COL17A1: variants seen among roughly 807,000 people sequenced by gnomAD.
COL17A1 encodes the protein collagen alpha-1(XVII) chain.
COL17A1 carries 181 observed loss-of-function variants against 218.4 expected under a neutral mutation model. The ratio of observed to expected loss-of-function variants is 0.83; its 90% CI spans 0.73 to 0.94. The LOEUF is 0.94. COL17A1 is among the 40% of genes least tolerant of loss of function. The pLI, the probability that COL17A1 is intolerant of heterozygous loss-of-function variation, is 0.00. For missense variants in COL17A1, 1,924 were observed against 1,945.9 expected (o/e 0.99, Z 0.21); for synonymous variants, 721 against 731.0 (o/e 0.99, Z 0.22).
At chr10:104,043,785 G>GA in intron 34 of COL17A1, 40 bp downstream of exon 34, 1 of 1,612,132 alleles carries the variant, frequency 6.2e-7, no homozygotes, top group Non-Finnish European at 8.5e-7. Flanking sequence ...CCCAGTATAA[G>GA]AAAGACACAG....
intron 16 of COL17A1, among the ~76,000 whole-genome samples, chr10:104,057,468 G>C (rs1024050404): frequency 1.3e-5 from 2 of 150,600 alleles, no homozygotes; most frequent in Non-Finnish European, 3.0e-5. Context: ...TGGGAAGGTT[G>C]TTGAATGAAA....
chr10:104,039,378 G>A, intron 43 of COL17A1, 67 bp downstream of exon 43: 1 of 1,515,500 alleles, frequency 6.6e-7, no homozygotes, highest in Non-Finnish European at 9.2e-7. Context: ...CATCTCTTCA[G>A]GCTCTGGGCT....
rs191501378 is a variant in COL17A1 at position 104,031,842 on chromosome 10, C to G, written c.*393G>C. The G allele has an allele frequency of 2.6e-4, 76 of 287,984 alleles. No homozygotes were observed. The highest frequency in any genetic ancestry group is 1.6e-3 in the African/African-American group (71 of 45,194). 17.8% of individuals were successfully genotyped at this position (287,984 alleles called of 1,614,324 possible). ...ATCAAGTGTCACCTCCAGGAAGGCGCCCCACCCCCATCCTCCGTTTTCTGG... is the reference window on the plus strand; with the variant it reads ...ATCAAGTGTCACCTCCAGGAAGGCGGCCCACCCCCATCCTCCGTTTTCTGG... On this transcript the variant is annotated 3_prime_UTR_variant, in exon 56 of 56. Coordinates refer to ENST00000648076, the MANE Select transcript of COL17A1 (RefSeq NM_000494.4).
intron 36 of COL17A1, among the ~76,000 whole-genome samples, chr10:104,041,835 C>T (rs1157822262): frequency 6.6e-6 from 1 of 152,230 alleles, no homozygotes; most frequent in Non-Finnish European, 1.5e-5. Flanking sequence ...CCCCTGCTCC[C>T]ACACGTCTAG....
intron 54 of COL17A1, 42 bp downstream of exon 54, chr10:104,032,864 G>A: frequency 1.2e-6 from 2 of 1,613,440 alleles, no homozygotes; most frequent in Middle Eastern, 3.3e-4. Context: ...CGAGGTGGGT[G>A]TTAACACAGG....
At position 104,043,865 on chromosome 10, in the gene COL17A1, G is replaced by C. The variant is rs1206787563; in HGVS notation, c.2399-5C>G. On this transcript the variant is annotated splice_polypyrimidine_tract_variant and splice_region_variant and intron_variant, in intron 33 of 55. Coordinates refer to ENST00000648076, the MANE Select transcript of COL17A1 (RefSeq NM_000494.4). ...TGCCTGGAGCTCCTGGTTCACCTAG[G>C]AAGAGAGGAAAAGGCTGAGAGTGGT... The C allele has an allele frequency of 1.2e-6, 2 of 1,614,204 alleles. No homozygotes were observed. Among genetic ancestry groups the C allele is most frequent in the Admixed American group, 1.7e-5 (1 of 60,030 alleles).
chr10:104,077,545 G>T lies in COL17A1; in HGVS notation c.98-19C>A. The T allele has an allele frequency of 6.3e-7, 1 of 1,597,432 alleles. No homozygotes were observed. Among genetic ancestry groups the T allele is most frequent in the South Asian group, 1.1e-5 (1 of 88,954 alleles). Reference sequence around the variant, plus strand: ...CCGCCTTCTGCCAGGAACAAAAGCAGGTGATAATTTCAGGGTGGAGTCAGG... The same window carrying T: ...CCGCCTTCTGCCAGGAACAAAAGCATGTGATAATTTCAGGGTGGAGTCAGG... On this transcript the variant is annotated intron_variant, in intron 3 of 55. Coordinates refer to ENST00000648076, the MANE Select transcript of COL17A1 (RefSeq NM_000494.4).
chr10:104,083,106 C>T (rs1409620857), intron 1 of COL17A1, among the ~76,000 whole-genome samples: 1 of 152,184 alleles, frequency 6.6e-6, no homozygotes, highest in Non-Finnish European at 1.5e-5. Flanking sequence ...AGGAAACTTT[C>T]TATAAGTGAG....
At position 104,073,128 on chromosome 10, in the gene COL17A1, C is replaced by T; in HGVS notation, c.415+82G>A. 9 of 1,293,276 alleles carry T rather than the reference C, an allele frequency of 7.0e-6. No individual in the cohort carries two copies. The South Asian group carries it at 7.1e-5, about 10-fold the overall frequency. The allele number at this position is 1,293,276 out of a possible 1,614,324, so 80.1% of individuals were successfully genotyped here. The stretch of plus-strand genomic sequence containing the variant: ...TTATTCTTCTGTACTCCTTACACTC[C>T]CTGGCTCAAGGCTGGACACACATTA... On this transcript the variant is annotated intron_variant, in intron 7 of 55. Coordinates refer to ENST00000648076, the MANE Select transcript of COL17A1 (RefSeq NM_000494.4).
In COL17A1 at chr10:104,035,473, C is replaced by T. The variant is rs2086270627; in HGVS notation, c.3508+1G>A. ...GACAGATGTCCCCTGCTGGGCCTTA[C>T]CTCGCAGCAAGGAGAGGAGCTCCTC... is the stretch of plus-strand genomic sequence containing the variant. On this transcript the variant is annotated splice_donor_variant, in intron 49 of 55. Coordinates refer to ENST00000648076, the MANE Select transcript of COL17A1 (RefSeq NM_000494.4). LOFTEE classifies it high-confidence loss of function. The T allele has an allele frequency of 6.2e-7, 1 of 1,614,010 alleles. No homozygotes were observed. The highest frequency in any genetic ancestry group is 8.5e-7 in the Non-Finnish European group (1 of 1,179,970).
chr10:104,049,282 G>T, intron 29 of COL17A1, 127 bp downstream of exon 29: 1 of 840,756 alleles, frequency 1.2e-6, no homozygotes, highest in Non-Finnish European at 2.0e-6. Flanking sequence ...GACTGGTCAA[G>T]GGAGACTCTA....
chr10:104,041,677 G>T, intron 36 of COL17A1, 139 bp from the exon 37 acceptor site: 1 of 721,702 alleles, frequency 1.4e-6, no homozygotes, highest in Non-Finnish European at 2.4e-6. Flanking sequence ...CTGTGTCATG[G>T]CACAAGAGCC....
At chr10:104,037,003 G>T in intron 47 of COL17A1, 42 bp downstream of exon 47, 1 of 1,552,012 alleles carries the variant, frequency 6.4e-7, no homozygotes, top group East Asian at 2.3e-5. Context: ...CCAGGAGAAA[G>T]CAAAGATAGT....
chr10:104,083,825 T>A (rs1293676086), intron 1 of COL17A1, among the ~76,000 whole-genome samples: 1 of 152,264 alleles, frequency 6.6e-6, no homozygotes, highest in Non-Finnish European at 1.5e-5. Flanking sequence ...TTTTTCTCTT[T>A]ATTTTTTGTT....
At chr10:104,057,316 G>T in intron 16 of COL17A1, 144 bp from the exon 17 acceptor site, 2 of 1,334,646 alleles carry the variant, frequency 1.5e-6, no homozygotes, top group Non-Finnish European at 2.1e-6. Context: ...CCAGGACAGG[G>T]CTGGCTCCTG....
At chr10:104,032,313 G>A in intron 55 of COL17A1, 23 bp from the exon 56 acceptor site, 1 of 1,609,690 alleles carries the variant, frequency 6.2e-7, no homozygotes, top group Non-Finnish European at 8.5e-7. Flanking sequence ...AGATCAGTAG[G>A]AAGTTAAAAC....
intron 47 of COL17A1, 127 bp downstream of exon 47, chr10:104,036,918 G>T: frequency 1.0e-6 from 1 of 959,368 alleles, no homozygotes; most frequent in Non-Finnish European, 1.6e-6. Flanking sequence ...GTGGCTCTTT[G>T]TCCAAAGGAC....
chr10:104,044,133 A>G (rs2086387288), intron 33 of COL17A1, among the ~76,000 whole-genome samples: 3 of 152,226 alleles, frequency 2.0e-5, no homozygotes, highest in African/African-American at 7.2e-5. Flanking sequence ...TGAGCCCAGA[A>G]TGGGGCTGAC....
Position 104,035,469 on chromosome 10 carries a change from C to T in COL17A1, c.3508+5G>A. The stretch of plus-strand genomic sequence containing the variant: ...GTTGGACAGATGTCCCCTGCTGGGC[C>T]TTACCTCGCAGCAAGGAGAGGAGCT... On this transcript the variant is annotated splice_donor_5th_base_variant and intron_variant, in intron 49 of 55. Transcript: ENST00000648076. 1 of 1,613,966 alleles carries T rather than the reference C, an allele frequency of 6.2e-7. No homozygotes were observed. Among genetic ancestry groups the T allele is most frequent in the Non-Finnish European group, 8.5e-7 (1 of 1,179,970 alleles).
Sources: allele counts gnomAD v4.1 joint callset (sites outside exome capture counted in the v4.1 genomes callset), GRCh38; gene constraint gnomAD v4.1.1; transcripts MANE v1.5; gene names NCBI Gene and HGNC (gene_info 2026-07-23, HGNC 2026-07-21).